The following MAGI1 variants were observed in gnomAD, a reference collection of about 807,000 sequenced individuals.
MAGI1 encodes membrane-associated guanylate kinase, WW and PDZ domain-containing protein 1.
MAGI1 carries 58 observed loss-of-function variants against 139.9 expected under a neutral mutation model. The ratio of observed to expected loss-of-function variants is 0.41; its 90% confidence interval spans 0.34 to 0.52. The LOEUF (loss-of-function observed/expected upper bound fraction) is 0.52. MAGI1 is among the 20% of genes least tolerant of loss of function. MAGI1 has a pLI of 0.12. For missense variants in MAGI1, 1,874 were observed against 1,901.6 expected, an observed-to-expected ratio of 0.99 and a Z score of 0.27; for synonymous variants, 812 against 737.9, an observed-to-expected ratio of 1.10 and a Z score of -1.63.
At chr3:65,410,136 C>T (rs11131017) in intron 12 of MAGI1, among the ~76,000 whole-genome samples, 56,471 of 152,018 alleles carry the variant, frequency 0.37, 11,215 homozygotes, top group South Asian at 0.5. Context: ...TGAATTGTCT[C>T]CATGCAATTC....
At chr3:65,723,993 G>A (rs2033338594) in intron 1 of MAGI1, among the ~76,000 whole-genome samples, 1 of 152,192 alleles carries the variant, frequency 6.6e-6, no homozygotes, top group South Asian at 2.1e-4. Flanking sequence ...ATCAATTGCA[G>A]ACACATACAT....
chr3:65,453,231 T>C (rs761904800), intron 6 of MAGI1, 27 bp downstream of exon 6: 1 of 1,610,278 alleles, frequency 6.2e-7, no homozygotes, highest in South Asian at 1.1e-5. Flanking sequence ...CCAATTCACT[T>C]AACCCAAGAC....
intron 1 of MAGI1, among the ~76,000 whole-genome samples, chr3:65,940,623 T>C (rs953908943): frequency 1.3e-5 from 2 of 152,298 alleles, no homozygotes; most frequent in African/African-American, 4.8e-5. Flanking sequence ...CATATAAATT[T>C]TGGGGAGATT....
At chr3:65,511,831 C>A (rs1197807405) in intron 2 of MAGI1, among the ~76,000 whole-genome samples, 2 of 126,848 alleles carry the variant, frequency 1.6e-5, no homozygotes, top group Non-Finnish European at 3.3e-5. Flanking sequence ...GAACTCTCCA[C>A]CCCAAATCAA....
In MAGI1 at chr3:65,356,348, A is replaced by T. The variant is rs566838271; in HGVS notation, c.*30T>A. On this transcript the variant is annotated 3_prime_UTR_variant, in exon 23 of 23. Transcript: ENST00000402939. ...TGACTTTCCTCTTAGAACCTTTGAC[A>T]CGGTAAAGGTTGGAATGTGACTCAG... The T allele has an allele frequency of 6.6e-7, 1 of 1,521,316 alleles. No individual in the cohort carries two copies. The highest frequency in any genetic ancestry group is 8.7e-7 in the Non-Finnish European group (1 of 1,143,266). The allele number at this position is 1,521,316 out of a possible 1,614,324, so 94.2% of individuals were successfully genotyped here.
rs75880485 is a variant in MAGI1 at position 65,809,919 on chromosome 3, C to T, written c.314-187831G>A. Among the ~76,000 whole-genome samples the T allele has an allele frequency of 7.7e-4, 117 of 151,982 alleles. No homozygotes were observed. The East Asian group carries it at 0.021, about 27-fold the overall frequency. On this transcript the variant is annotated intron_variant, in intron 1 of 22. Coordinates refer to ENST00000402939, the MANE Select transcript of MAGI1 (RefSeq NM_001033057.2). ...CTGCTATACACCCCCATTCTGAATT[C>T]CCCACCCCAACTCTTCTCCCACTGC...
chr3:65,950,322 T>C (rs1245983372), intron 1 of MAGI1, among the ~76,000 whole-genome samples: 1 of 151,960 alleles, frequency 6.6e-6, no homozygotes, highest in African/African-American at 2.4e-5. Context: ...CTAACAACTT[T>C]AGCCAAAGAT....
intron 1 of MAGI1, among the ~76,000 whole-genome samples, chr3:65,832,874 G>A (rs1227476065): frequency 2.6e-5 from 4 of 151,998 alleles, no homozygotes; most frequent in Non-Finnish European, 5.9e-5. Context: ...CTCAATGTGG[G>A]GGAGCTTGAA....
chr3:66,031,678 AAGTTT>A (rs1384482982), intron 1 of MAGI1, among the ~76,000 whole-genome samples: 2 of 146,274 alleles, frequency 1.4e-5, no homozygotes, highest in African/African-American at 5.6e-5. Context: ...TGATTTTTGA[AAGTTT>A]AAGTTAAAAA....
At chr3:66,034,496 T>C (rs1038365295) in intron 1 of MAGI1, among the ~76,000 whole-genome samples, 3 of 152,338 alleles carry the variant, frequency 2.0e-5, no homozygotes, top group Admixed American at 2.0e-4. Context: ...GGCAAGATCT[T>C]AATACATACT....
chr3:65,707,663 C>G (rs948285975), intron 1 of MAGI1, among the ~76,000 whole-genome samples: 2 of 137,700 alleles, frequency 1.5e-5, no homozygotes, highest in Non-Finnish European at 3.0e-5. Context: ...GCACGGCAAA[C>G]TGGGTGACAG....
intron 2 of MAGI1, among the ~76,000 whole-genome samples, chr3:65,503,281 C>T (rs181681675): frequency 1.3e-5 from 2 of 152,270 alleles, no homozygotes; most frequent in Non-Finnish European, 2.9e-5. Context: ...GGCCAGCCTC[C>T]TCCTCAGGAA....
At chr3:65,936,387 C>T (rs946202794) in intron 1 of MAGI1, among the ~76,000 whole-genome samples, 14 of 152,094 alleles carry the variant, frequency 9.2e-5, no homozygotes, top group African/African-American at 3.1e-4. Flanking sequence ...TCTATAATCC[C>T]AGCACTTTGG....
chr3:65,497,340 G>A (rs1347886074), intron 2 of MAGI1, among the ~76,000 whole-genome samples: 1 of 152,162 alleles, frequency 6.6e-6, no homozygotes, highest in Non-Finnish European at 1.5e-5. Context: ...CTAAGCAGCA[G>A]TAGCCAGCAA....
At chr3:66,018,710 G>T (rs889329917) in intron 1 of MAGI1, among the ~76,000 whole-genome samples, 3 of 152,198 alleles carry the variant, frequency 2.0e-5, no homozygotes, top group Non-Finnish European at 4.4e-5. Context: ...CATTCTGAGT[G>T]CTCGGGGTCT....
At chr3:65,402,818 G>T (rs565304067) in intron 12 of MAGI1, among the ~76,000 whole-genome samples, 1 of 152,264 alleles carries the variant, frequency 6.6e-6, no homozygotes, top group African/African-American at 2.4e-5. Flanking sequence ...TGGGAGGCAT[G>T]AGGGCACTCT....
chr3:66,010,077 CAAAAAAAAAAAAAAA>C (rs60882502), intron 1 of MAGI1, among the ~76,000 whole-genome samples: 11 of 69,780 alleles, frequency 1.6e-4, no homozygotes, highest in Non-Finnish European at 2.1e-4. Flanking sequence ...CTCTCTGTCT[CAAAAAAAAAAAAAAA>C]AAAAAAAAAA....
At chr3:65,990,115 G>A (rs1466181744) in intron 1 of MAGI1, among the ~76,000 whole-genome samples, 1 of 152,132 alleles carries the variant, frequency 6.6e-6, no homozygotes, top group Non-Finnish European at 1.5e-5. Context: ...TAAAGAGGAA[G>A]TAGCAGACAC....
intron 1 of MAGI1, among the ~76,000 whole-genome samples, chr3:65,739,509 T>C (rs2107773807): frequency 6.6e-6 from 1 of 152,318 alleles, no homozygotes; most frequent in East Asian, 1.9e-4. Context: ...TAGTTAACTG[T>C]TTGGTTCAAG....
Sources: gnomAD v4.1 joint callset for allele counts (sites outside exome capture counted in the v4.1 genomes callset) on GRCh38, gnomAD v4.1.1 for gene constraint, MANE v1.5 for transcripts, NCBI Gene and HGNC (gene_info 2026-07-23, HGNC 2026-07-21) for gene names.